Variants in ELAPOR2 observed in about 807,000 individuals in gnomAD.
ELAPOR2 encodes the protein endosome/lysosome-associated apoptosis and autophagy regulator family member 2.
A neutral mutation model predicts 120.7 loss-of-function variants in ELAPOR2; 89 were observed. The ratio of observed to expected loss-of-function variants is 0.74; its 90% CI spans 0.62 to 0.88. ELAPOR2 has a LOEUF of 0.88. Ranked by LOEUF, ELAPOR2 falls within the 40% of genes least tolerant of loss-of-function variation. The pLI is 0.00. For synonymous variants in ELAPOR2, 444 were observed against 444.9 expected, an observed-to-expected ratio of 1.00 and a Z score of 0.03; for missense variants, 1,134 against 1,251.6, an observed-to-expected ratio of 0.91 and a Z score of 1.42.
At position 86,913,027 on chromosome 7, in the gene ELAPOR2, A is replaced by G; in HGVS notation, c.1909T>C (p.Cys637Arg). ...IEKETNQCKE[C>R]PPDTYLSIHQ... is the part of the protein sequence containing the mutation. Reference sequence around the variant, plus strand: ...ATGGACAGGTAGGTGTCAGGTGGACATTCCTTGCACTGGTTGGTTTCTTTC... The same window carrying G: ...ATGGACAGGTAGGTGTCAGGTGGACGTTCCTTGCACTGGTTGGTTTCTTTC... The change falls in exon 14 of 22, where the codon TGT (cysteine) becomes CGT (arginine). Residue 637 changes from cysteine to arginine, a missense_variant. By Grantham distance (180) the Cys-to-Arg change is radical (BLOSUM62 -3). Coordinates refer to ENST00000450689, the MANE Select transcript of ELAPOR2 (RefSeq NM_001142749.3). 1.9e-6 allele frequency: 3 copies of G among 1,614,082 alleles called. No individual in the cohort carries two copies. The highest frequency in any genetic ancestry group is 2.5e-6 in the Non-Finnish European group (3 of 1,179,996).
chr7:86,907,190 C>T (rs1168223242), intron 18 of ELAPOR2, among the ~76,000 whole-genome samples: 1 of 152,052 alleles, frequency 6.6e-6, no homozygotes, highest in Non-Finnish European at 1.5e-5. Context: ...AATCAATAAA[C>T]TGAAGAGCTA....
chr7:86,898,984 G>A (rs1341873489), intron 18 of ELAPOR2, among the ~76,000 whole-genome samples: 1 of 152,134 alleles, frequency 6.6e-6, no homozygotes, highest in Admixed American at 6.6e-5. Context: ...ATGAAGTGAT[G>A]CAAATAGCGT....
At chr7:87,024,132 C>G (rs149500958) in intron 1 of ELAPOR2, among the ~76,000 whole-genome samples, 109 of 151,978 alleles carry the variant, frequency 7.2e-4, no homozygotes, top group African/African-American at 2.0e-3. Context: ...GGGCATCCCT[C>G]TCTTGTGCCA....
intron 14 of ELAPOR2, 73 bp downstream of exon 14, chr7:86,912,868 A>G (rs769046658): frequency 1.3e-5 from 20 of 1,527,222 alleles, no homozygotes; most frequent in Non-Finnish European, 1.3e-5. Context: ...CCAGAGAAAC[A>G]TTAAGGAGAA....
intron 19 of ELAPOR2, among the ~76,000 whole-genome samples, chr7:86,895,210 T>G (rs1470822988): frequency 6.6e-5 from 10 of 152,090 alleles, no homozygotes; most frequent in Admixed American, 6.6e-4. Flanking sequence ...ATATATTCAC[T>G]GACAATAAAA....
intron 1 of ELAPOR2, among the ~76,000 whole-genome samples, chr7:87,020,176 C>T (rs1793994060): frequency 6.6e-6 from 1 of 152,092 alleles, no homozygotes; most frequent in Admixed American, 6.6e-5. Context: ...TACATACACA[C>T]ATATGTATAT....
At chr7:86,883,621 T>C (rs1799534687) in intron 21 of ELAPOR2, among the ~76,000 whole-genome samples, 2 of 152,148 alleles carry the variant, frequency 1.3e-5, no homozygotes, top group Non-Finnish European at 2.9e-5. Flanking sequence ...TCTTTCTGAG[T>C]AAAGTAAAAT....
intron 1 of ELAPOR2, among the ~76,000 whole-genome samples, chr7:87,022,512 G>A (rs1794084821): frequency 6.6e-6 from 1 of 152,038 alleles, no homozygotes; most frequent in African/African-American, 2.4e-5. Context: ...CCAAGTCTTT[G>A]CTATTGTGAG....
intron 1 of ELAPOR2, among the ~76,000 whole-genome samples, chr7:86,969,538 G>T (rs1315502517): frequency 6.6e-6 from 1 of 151,906 alleles, no homozygotes; most frequent in Non-Finnish European, 1.5e-5. Context: ...TAATTATGAT[G>T]GCCTAAGGGT....
At chr7:86,965,634 C>A (rs1178784248) in intron 1 of ELAPOR2, among the ~76,000 whole-genome samples, 1 of 152,192 alleles carries the variant, frequency 6.6e-6, no homozygotes, top group Non-Finnish European at 1.5e-5. Flanking sequence ...CAACCCCCAA[C>A]CCACTTGTCT....
chr7:86,907,020 G>C (rs181669746), intron 18 of ELAPOR2, among the ~76,000 whole-genome samples: 4 of 152,126 alleles, frequency 2.6e-5, no homozygotes, highest in Admixed American at 6.6e-5. Context: ...TGACAATTCT[G>C]AGCCTACAAA....
At chr7:86,985,556 A>C (rs1216656969) in intron 1 of ELAPOR2, among the ~76,000 whole-genome samples, 1 of 152,228 alleles carries the variant, frequency 6.6e-6, no homozygotes, top group Non-Finnish European at 1.5e-5. Flanking sequence ...CAATAAATGT[A>C]ATCCATCACA....
intron 1 of ELAPOR2, among the ~76,000 whole-genome samples, chr7:87,000,960 A>G (rs1470332734): frequency 2.6e-5 from 4 of 152,198 alleles, no homozygotes; most frequent in Non-Finnish European, 4.4e-5. Flanking sequence ...TTCTTCATTT[A>G]TAAATGGAAA....
intron 19 of ELAPOR2, among the ~76,000 whole-genome samples, chr7:86,895,664 T>G (rs1055709406): frequency 6.6e-6 from 1 of 152,124 alleles, no homozygotes; most frequent in Admixed American, 6.6e-5. Flanking sequence ...GAAGAGAGTT[T>G]GAATGAAATA....
chr7:87,023,862 T>C (rs1176922576), intron 1 of ELAPOR2, among the ~76,000 whole-genome samples: 1 of 152,216 alleles, frequency 6.6e-6, no homozygotes, highest in African/African-American at 2.4e-5. Context: ...TTTGGCTCTC[T>C]GTTTGTCTGT....
chr7:87,023,382 C>A (rs1169478110), intron 1 of ELAPOR2, among the ~76,000 whole-genome samples: 1 of 151,986 alleles, frequency 6.6e-6, no homozygotes, highest in African/African-American at 2.4e-5. Context: ...TGCAGATATG[C>A]GGCATTATTT....
chr7:87,010,846 C>A (rs1327039519), intron 1 of ELAPOR2, among the ~76,000 whole-genome samples: 3 of 151,772 alleles, frequency 2.0e-5, no homozygotes. Context: ...CCCACAGATA[C>A]AGAGGAACCA....
chr7:86,978,785 T>C (rs1792363909), intron 1 of ELAPOR2, among the ~76,000 whole-genome samples: 2 of 152,250 alleles, frequency 1.3e-5, no homozygotes, highest in Non-Finnish European at 2.9e-5. Context: ...GGAATAAATA[T>C]ACATGGTAAT....
intron 3 of ELAPOR2, among the ~76,000 whole-genome samples, chr7:86,946,156 T>TTC (rs1042901617): frequency 1.9e-5 from 2 of 103,560 alleles, no homozygotes; most frequent in Non-Finnish European, 3.8e-5. Context: ...GGGATACCAT[T>TTC]TCTCACACAC....
Sources: gnomAD v4.1 joint callset for allele counts (sites outside exome capture counted in the v4.1 genomes callset) on GRCh38, gnomAD v4.1.1 for gene constraint, MANE v1.5 for transcripts, NCBI Gene and HGNC (gene_info 2026-07-23, HGNC 2026-07-21) for gene names.